The following DOCK3 variants were observed in gnomAD, a reference collection of about 807,000 sequenced individuals.
DOCK3 encodes dedicator of cytokinesis 3.
A neutral mutation model predicts 265.6 loss-of-function variants in DOCK3; 60 were observed. The ratio of observed to expected loss-of-function variants is 0.23; its 90% confidence interval spans 0.18 to 0.28. The LOEUF is 0.28. DOCK3 is among the 10% of genes least tolerant of loss of function. The pLI is 1.00. For synonymous variants in DOCK3, 881 were observed against 938.0 expected, an observed-to-expected ratio of 0.94 and a Z score of 1.11; for missense variants, 1,981 against 2,594.3, an observed-to-expected ratio of 0.76 and a Z score of 5.14.
chr3:50,786,451 G>A (rs538309426), intron 2 of DOCK3, among the ~76,000 whole-genome samples: 1 of 152,270 alleles, frequency 6.6e-6, no homozygotes, highest in East Asian at 1.9e-4. Flanking sequence ...AGAACTCTTA[G>A]TGGAGGCCAA....
intron 27 of DOCK3, among the ~76,000 whole-genome samples, chr3:51,301,472 T>G (rs2082358036): frequency 6.6e-6 from 1 of 152,064 alleles, no homozygotes; most frequent in African/African-American, 2.4e-5. Context: ...TTGCTCTTGG[T>G]TCTCTAGTTC....
intron 6 of DOCK3, among the ~76,000 whole-genome samples, chr3:51,071,972 C>A (rs2081891910): frequency 6.6e-6 from 1 of 152,138 alleles, no homozygotes; most frequent in Admixed American, 6.5e-5. Context: ...AGGAGGAACT[C>A]TTTTTGGTTT....
Position 50,993,583 on chromosome 3 carries a change from A to C in DOCK3, c.315+59506A>C, listed in dbSNP as rs535198189. 4.6e-5 allele frequency among the ~76,000 whole-genome samples: 7 copies of C among 152,302 alleles called. No homozygotes were observed. In the South Asian group the frequency reaches 1.5e-3, roughly 32 times the overall value. ...CCAGCATGGTCTTTTTCCAGTGTTC[A>C]TCAGTTTATTGCACACATGAGAAAT... On this transcript the variant is annotated intron_variant, in intron 5 of 52. Transcript: ENST00000266037.
At chr3:51,317,300 A>T (rs2109700080) in intron 32 of DOCK3, among the ~76,000 whole-genome samples, 1 of 151,590 alleles carries the variant, frequency 6.6e-6, no homozygotes, top group African/African-American at 2.4e-5. Context: ...GGTTTGGACA[A>T]GGAGAAGCTT....
chr3:51,128,896 G>A (rs1190787330), intron 9 of DOCK3, among the ~76,000 whole-genome samples: 1 of 152,170 alleles, frequency 6.6e-6, no homozygotes, highest in East Asian at 1.9e-4. Flanking sequence ...GGGATGGCTA[G>A]GGAAAGAGGC....
chr3:51,351,996 CCTT>C (rs1268058056), intron 40 of DOCK3, among the ~76,000 whole-genome samples: 2 of 152,094 alleles, frequency 1.3e-5, no homozygotes, highest in African/African-American at 4.8e-5. Context: ...GACTGGGCCT[CCTT>C]CATCTCTAGT....
At chr3:50,796,666 C>A (rs1464652552) in intron 2 of DOCK3, among the ~76,000 whole-genome samples, 1 of 152,214 alleles carries the variant, frequency 6.6e-6, no homozygotes, top group Non-Finnish European at 1.5e-5. Context: ...AAAGAAGGCA[C>A]TCTGACTTTT....
At chr3:50,842,407 ATTGTTTAGAG>A in intron 3 of DOCK3, among the ~76,000 whole-genome samples, 1 of 152,190 alleles carries the variant, frequency 6.6e-6, no homozygotes, top group Admixed American at 6.5e-5. Context: ...CAAAAAGAAA[ATTGTTTAGAG>A]TTCTAATAAT....
chr3:50,710,202 A>T (rs916212194), intron 1 of DOCK3, among the ~76,000 whole-genome samples: 2 of 152,226 alleles, frequency 1.3e-5, no homozygotes, highest in African/African-American at 4.8e-5. Flanking sequence ...TGTACAGCAA[A>T]AGAAATAATC....
chr3:51,118,874 CAT>C (rs1471213587), intron 9 of DOCK3, among the ~76,000 whole-genome samples: 1 of 151,916 alleles, frequency 6.6e-6, no homozygotes, highest in African/African-American at 2.4e-5. Flanking sequence ...TGTTTTTGCA[CAT>C]GAGATGGGTC....
intron 1 of DOCK3, among the ~76,000 whole-genome samples, chr3:50,679,422 G>A (rs1215840796): frequency 1.3e-5 from 2 of 151,982 alleles, no homozygotes; most frequent in African/African-American, 4.8e-5. Context: ...TATTTAAAAA[G>A]TAATGCGTAT....
intron 16 of DOCK3, 51 bp downstream of exon 16, chr3:51,227,496 T>C: frequency 6.2e-7 from 1 of 1,603,720 alleles, no homozygotes; most frequent in Non-Finnish European, 8.5e-7. Flanking sequence ...TAAATATAAC[T>C]CTCTCCTCTC....
intron 5 of DOCK3, among the ~76,000 whole-genome samples, chr3:51,041,863 T>G (rs1284361268): frequency 1.3e-5 from 2 of 152,158 alleles, no homozygotes; most frequent in Non-Finnish European, 2.9e-5. Context: ...AAATGAACAT[T>G]GCCTTCAACT....
At chr3:51,023,591 T>C (rs1382594109) in intron 5 of DOCK3, among the ~76,000 whole-genome samples, 1 of 152,120 alleles carries the variant, frequency 6.6e-6, no homozygotes, top group African/African-American at 2.4e-5. Context: ...AATTTTTGCA[T>C]TTTTAATAGA....
chr3:51,010,004 C>G (rs1352076621), intron 5 of DOCK3, among the ~76,000 whole-genome samples: 1 of 152,136 alleles, frequency 6.6e-6, no homozygotes, highest in Non-Finnish European at 1.5e-5. Flanking sequence ...AATTTCTATT[C>G]TTTTACATTT....
chr3:51,233,842 C>A (rs990111478), intron 19 of DOCK3, among the ~76,000 whole-genome samples: 1 of 152,102 alleles, frequency 6.6e-6, no homozygotes, highest in Admixed American at 6.6e-5. Context: ...TTAACATATA[C>A]CACATTTTCT....
At chr3:50,996,728 A>G (rs551805932) in intron 5 of DOCK3, among the ~76,000 whole-genome samples, 1 of 152,208 alleles carries the variant, frequency 6.6e-6, no homozygotes, top group Admixed American at 6.5e-5. Flanking sequence ...TGGCATTTTA[A>G]TTTCCCCTTT....
chr3:50,834,759 C>G lies in DOCK3; in HGVS notation c.122-6916C>G, dbSNP rs1576589555. On this transcript the variant is annotated intron_variant, in intron 2 of 52. Coordinates refer to ENST00000266037, the MANE Select transcript of DOCK3 (RefSeq NM_004947.5). ...TGGTAACTCAAACATTTAAAAAAGG[C>G]AAAAACTAAGAGGGAAGACTTAGCT... Among the ~76,000 whole-genome samples, 3 of 152,138 alleles carry G rather than the reference C, an allele frequency of 2.0e-5. 1 individual carries two copies. Among genetic ancestry groups the G allele is most frequent in the Admixed American group, 1.3e-4 (2 of 15,276 alleles).
At chr3:50,718,959 A>G (rs1450372591) in intron 1 of DOCK3, among the ~76,000 whole-genome samples, 1 of 150,742 alleles carries the variant, frequency 6.6e-6, no homozygotes, top group South Asian at 2.1e-4. Flanking sequence ...AATTTTTTGT[A>G]TTTTTTAGTA....
Sources: allele counts gnomAD v4.1 joint callset (sites outside exome capture counted in the v4.1 genomes callset), GRCh38; gene constraint gnomAD v4.1.1; transcripts MANE v1.5; gene names NCBI Gene and HGNC (gene_info 2026-07-23, HGNC 2026-07-21).